Variants in MTFR1 observed in about 807,000 individuals in gnomAD.
The protein encoded by MTFR1 is chondrocyte protein with a poly-proline region.
A neutral mutation model predicts 38.8 loss-of-function variants in MTFR1; 28 were observed. The ratio of observed to expected loss-of-function variants is 0.72; its 90% CI spans 0.53 to 0.99. MTFR1 has a LOEUF of 0.99. Ranked by LOEUF, MTFR1 falls within the 50% of genes least tolerant of loss-of-function variation. The probability of loss-of-function intolerance (pLI) is 0.00; values close to 1 mark genes in which losing one functional copy is unlikely to be tolerated. For missense variants in MTFR1, 358 were observed against 395.5 expected (o/e 0.91, Z 0.81); for synonymous variants, 145 against 137.0 (o/e 1.06, Z -0.41).
intron 1 of MTFR1, among the ~76,000 whole-genome samples, chr8:65,655,037 G>A (rs959661727): frequency 1.4e-4 from 21 of 152,226 alleles, no homozygotes; most frequent in African/African-American, 5.1e-4. Flanking sequence ...CTGATGTCCA[G>A]CCCAGGATCA....
intron 3 of MTFR1, among the ~76,000 whole-genome samples, chr8:65,757,955 A>G (rs1374135785): frequency 1.3e-5 from 2 of 152,188 alleles, no homozygotes; most frequent in African/African-American, 2.4e-5. Context: ...ATTTCCCTCA[A>G]TTTATAACCC....
In MTFR1 at chr8:65,724,971, T is replaced by C. The variant is rs368399778; in HGVS notation, c.*48+5490T>C. The C allele has an allele frequency of 1.6e-5, 20 of 1,240,352 alleles. No homozygotes were observed. The African/African-American group carries it at 2.6e-4, about 16-fold the overall frequency. 76.8% of individuals were successfully genotyped at this position (1,240,352 alleles called of 1,614,324 possible). ...AAAATATAAGACTTTCAATTAACTA[T>C]TTATTGATTTTTTTTCTTAACCATA... On this transcript the variant is annotated intron_variant, in intron 3 of 3. Coordinates refer to the MTFR1 transcript ENST00000521247.
chr8:65,702,643 T>TA (rs1279684386), intron 4 of MTFR1, among the ~76,000 whole-genome samples: 3 of 152,226 alleles, frequency 2.0e-5, no homozygotes, highest in Admixed American at 2.0e-4. Context: ...TATGTTTTTT[T>TA]ACCTTTCAAG....
downstream of MTFR1, among the ~76,000 whole-genome samples, chr8:65,773,201 T>C (rs777843800): frequency 2.6e-5 from 4 of 152,132 alleles, no homozygotes; most frequent in Non-Finnish European, 5.9e-5. Context: ...TAGATTACAA[T>C]TTCAAAAAGA....
At chr8:65,725,636 C>G (rs552318017) in intron 3 of MTFR1, 6 of 152,218 alleles carry the variant, frequency 3.9e-5, no homozygotes, top group African/African-American at 1.2e-4. Flanking sequence ...ATAGCAAATA[C>G]TATCTCTGTA....
intron 3 of MTFR1, among the ~76,000 whole-genome samples, chr8:65,690,447 TGAACTTGG>T (rs1474851420): frequency 6.6e-6 from 1 of 152,126 alleles, no homozygotes; most frequent in Non-Finnish European, 1.5e-5. Context: ...GTGAATTGCT[TGAACTTGG>T]GAGGCGGGAG....
intron 3 of MTFR1, among the ~76,000 whole-genome samples, chr8:65,762,966 A>G (rs554845924): frequency 6.7e-6 from 1 of 149,758 alleles, no homozygotes; most frequent in Non-Finnish European, 1.5e-5. Flanking sequence ...GTGAGCCTCC[A>G]TCTCTTTATA....
intron 1 of MTFR1, among the ~76,000 whole-genome samples, chr8:65,668,525 CTTTTTTTT>C (rs144265003): frequency 1.6e-5 from 2 of 127,026 alleles, no homozygotes; most frequent in African/African-American, 5.8e-5. Context: ...TTTCTTTTTT[CTTTTTTTT>C]TTTTTTTTTA....
downstream of MTFR1, among the ~76,000 whole-genome samples, chr8:65,712,571 T>TA (rs1386725801): frequency 6.6e-6 from 1 of 152,236 alleles, no homozygotes; most frequent in East Asian, 1.9e-4. Flanking sequence ...ATTTAGCACT[T>TA]ACCATATATC....
chr8:65,734,699 T>C, intron 3 of MTFR1: 1 of 721,462 alleles, frequency 1.4e-6, no homozygotes, highest in Admixed American at 2.1e-5. Context: ...GTCTGTGATT[T>C]TCAGTCAAAG....
rs931827461 is a variant in MTFR1, at chr8:65,657,532, G to A, written c.-80-12341G>A. On this transcript the variant is annotated intron_variant, in intron 1 of 7. Transcript: ENST00000262146. ...AGCCTGGGCAATGTAGTGAGACCCC[G>A]TCTCTAAAAAAAATTTAAAAAAATA... Among the ~76,000 whole-genome samples the A allele has an allele frequency of 5.9e-5, 9 of 151,780 alleles. 1 individual carries two copies. The highest frequency in any genetic ancestry group is 2.6e-4 in the Admixed American group (4 of 15,222).
At chr8:65,765,877 AAAT>A (rs1393566114) in intron 3 of MTFR1, among the ~76,000 whole-genome samples, 1 of 152,262 alleles carries the variant, frequency 6.6e-6, no homozygotes, top group Non-Finnish European at 1.5e-5. Flanking sequence ...TATACGTTAA[AAAT>A]AATGTGTAAC....
intron 3 of MTFR1, chr8:65,739,574 A>T (rs377027022): frequency 3.9e-6 from 6 of 1,553,438 alleles, no homozygotes; most frequent in Non-Finnish European, 5.2e-6. Flanking sequence ...AATAAATGAA[A>T]GGTTAAGCTT....
intron 4 of MTFR1, among the ~76,000 whole-genome samples, chr8:65,702,152 C>T (rs115904981): frequency 0.013 from 1,904 of 152,250 alleles, 41 homozygotes; most frequent in African/African-American, 0.044. Flanking sequence ...GCCTACAACA[C>T]TCCTGCCTGT....
chr8:65,739,852 A>AT (rs1807329454), intron 3 of MTFR1, among the ~76,000 whole-genome samples: 1 of 152,140 alleles, frequency 6.6e-6, no homozygotes, highest in Non-Finnish European at 1.5e-5. Flanking sequence ...TTTCAAATAG[A>AT]TTAATTTTTT....
chr8:65,736,520 A>C (rs1182235327), intron 3 of MTFR1, among the ~76,000 whole-genome samples: 1 of 152,138 alleles, frequency 6.6e-6, no homozygotes, highest in Non-Finnish European at 1.5e-5. Flanking sequence ...TGGGAGGCTG[A>C]GGCTGGAGGA....
intron 1 of MTFR1, among the ~76,000 whole-genome samples, chr8:65,653,791 A>G (rs780250123): frequency 6.6e-6 from 1 of 152,130 alleles, no homozygotes; most frequent in Non-Finnish European, 1.5e-5. Context: ...TAGGCTGGGT[A>G]TGGTGGCTCA....
At chr8:65,729,283 A>G (rs1225536358) in intron 3 of MTFR1, among the ~76,000 whole-genome samples, 1 of 151,980 alleles carries the variant, frequency 6.6e-6, no homozygotes, top group East Asian at 1.9e-4. Context: ...TGTTCAGTGA[A>G]AAGCTTACTG....
At chr8:65,736,218 TGA>T (rs1278190942) in intron 3 of MTFR1, among the ~76,000 whole-genome samples, 1 of 152,118 alleles carries the variant, frequency 6.6e-6, no homozygotes, top group African/African-American at 2.4e-5. Flanking sequence ...ACAAGCACTG[TGA>T]TACCAACATG....
Sources: allele counts gnomAD v4.1 joint callset (sites outside exome capture counted in the v4.1 genomes callset), GRCh38; gene constraint gnomAD v4.1.1; transcripts MANE v1.5; gene names NCBI Gene and HGNC (gene_info 2026-07-23, HGNC 2026-07-21).